The following DSCAM variants were observed in gnomAD, a reference collection of about 807,000 sequenced individuals.
DSCAM encodes the protein cell adhesion molecule DSCAM.
A neutral mutation model predicts 217.7 loss-of-function variants in DSCAM; 47 were observed. The observed-to-expected ratio is 0.22, with a 90% CI of 0.17 to 0.28. The LOEUF (loss-of-function observed/expected upper bound fraction) is 0.28, where lower values mean the gene tolerates loss of function less well. Ranked by LOEUF, DSCAM falls within the 10% of genes least tolerant of loss-of-function variation. The pLI is 1.00. For missense variants in DSCAM, 2,080 were observed against 2,618.3 expected, an observed-to-expected ratio of 0.79 and a Z score of 4.49; for synonymous variants, 1,056 against 1,015.3, an observed-to-expected ratio of 1.04 and a Z score of -0.76.
At chr21:40,472,079 T>C (rs942480027) in intron 3 of DSCAM, among the ~76,000 whole-genome samples, 1 of 152,194 alleles carries the variant, frequency 6.6e-6, no homozygotes, top group Non-Finnish European at 1.5e-5. Context: ...TATAGACCAA[T>C]GGCACAGAAA....
chr21:40,653,048 C>T (rs997076887), intron 3 of DSCAM, among the ~76,000 whole-genome samples: 4 of 152,206 alleles, frequency 2.6e-5, no homozygotes, highest in Admixed American at 1.3e-4. Flanking sequence ...TAAGCCCTGT[C>T]CCTATAGGTC....
intron 20 of DSCAM, among the ~76,000 whole-genome samples, chr21:40,111,352 G>T (rs1402857675): frequency 1.3e-5 from 2 of 151,822 alleles, no homozygotes; most frequent in Non-Finnish European, 2.9e-5. Flanking sequence ...ATACTTTACA[G>T]ACAAGCAAAT....
chr21:40,809,049 AT>A (rs2091814075), intron 1 of DSCAM, among the ~76,000 whole-genome samples: 1 of 152,098 alleles, frequency 6.6e-6, no homozygotes, highest in Admixed American at 6.5e-5. Flanking sequence ...GCCCCTCTTC[AT>A]TGGATTAGAC....
At chr21:40,844,045 A>C (rs2092124732) in intron 1 of DSCAM, among the ~76,000 whole-genome samples, 3 of 152,168 alleles carry the variant, frequency 2.0e-5, no homozygotes, top group African/African-American at 7.2e-5. Context: ...TAGGTATTAG[A>C]ATTCATCAAT....
At chr21:40,805,181 T>G (rs1006427388) in intron 1 of DSCAM, among the ~76,000 whole-genome samples, 1 of 152,248 alleles carries the variant, frequency 6.6e-6, no homozygotes, top group Non-Finnish European at 1.5e-5. Context: ...CACAGATGAC[T>G]GCCCAGTGAC....
At position 40,777,117 on chromosome 21, in the gene DSCAM, TG is replaced by T. The variant is rs200712835; in HGVS notation, c.44-68347del. Among the ~76,000 whole-genome samples, 1,176 of 152,302 alleles carry T rather than the reference TG, an allele frequency of 7.7e-3. 18 individuals are homozygous for T. The highest frequency in any genetic ancestry group is 0.027 in the African/African-American group (1,126 of 41,550). ...AAGATCAAGGCACTGGCAGGTTCAGTGTCTGGTGAGGGTTCATTGCTCATAG... is the reference window on the plus strand; with the variant it reads ...AAGATCAAGGCACTGGCAGGTTCAGTTCTGGTGAGGGTTCATTGCTCATAG... On this transcript the variant is annotated intron_variant, in intron 1 of 32. Transcript: ENST00000400454.
chr21:40,578,861 A>G (rs1185292549), intron 3 of DSCAM, among the ~76,000 whole-genome samples: 1 of 152,230 alleles, frequency 6.6e-6, no homozygotes, highest in Non-Finnish European at 1.5e-5. Context: ...TATAGAGACC[A>G]TAGAGTACAG....
At position 40,275,520 on chromosome 21, in the gene DSCAM, T is replaced by C. The variant is rs372778328; in HGVS notation, c.2356+577A>G. On this transcript the variant is annotated intron_variant, in intron 11 of 32. Transcript: ENST00000400454. Reference sequence around the variant, plus strand: ...CCTTTCCTTGGTTGCCAGTTACCAATGTATGAGAATAATTTCATTATAACG... The same window carrying C: ...CCTTTCCTTGGTTGCCAGTTACCAACGTATGAGAATAATTTCATTATAACG... Among the ~76,000 whole-genome samples the C allele has an allele frequency of 1.1e-4, 16 of 152,338 alleles. No individual in the cohort carries two copies. The East Asian group carries it at 2.3e-3, about 22-fold the overall frequency.
At chr21:40,444,903 T>C (rs2075661807) in intron 3 of DSCAM, among the ~76,000 whole-genome samples, 1 of 152,366 alleles carries the variant, frequency 6.6e-6, no homozygotes, top group South Asian at 2.1e-4. Flanking sequence ...TCTTCCTTCC[T>C]GCTTCAAAGC....
intron 32 of DSCAM, among the ~76,000 whole-genome samples, chr21:40,033,580 C>T (rs13050960): frequency 0.04 from 5,881 of 147,694 alleles, 192 homozygotes; most frequent in African/African-American, 0.047. Flanking sequence ...AACTGCAAGG[C>T]GGCAGTGAGG....
intron 32 of DSCAM, among the ~76,000 whole-genome samples, chr21:40,020,259 G>A (rs1480865934): frequency 6.6e-6 from 1 of 152,136 alleles, no homozygotes; most frequent in African/African-American, 2.4e-5. Context: ...CGCCATGATT[G>A]TGAGGCTTCC....
rs2090333544 is a variant in DSCAM at position 40,144,642 on chromosome 21, G to A, written c.3108C>T (p.Asn1036=). Residue 1036 remains asparagine (N), a synonymous_variant, in exon 17 of 33, where the codon AAC becomes AAT. Transcript: ENST00000400454. The surrounding 1 kb of genome is among the most constrained non-coding windows in gnomAD (Gnocchi z 4.8). ...CCCCGCTGGTGTCGACACTGATAATGTTGAATTGGAAGTTACCCCCAGTGC... is the reference window on the plus strand; with the variant it reads ...CCCCGCTGGTGTCGACACTGATAATATTGAATTGGAAGTTACCCCCAGTGC... ...EYSTGGNFQF[N]IISVDTSGDS... The A allele has an allele frequency of 1.2e-6, 2 of 1,614,036 alleles. No homozygotes were observed. Among genetic ancestry groups the A allele is most frequent in the South Asian group, 2.2e-5 (2 of 91,076 alleles).
chr21:40,772,101 G>A (rs1162725097), intron 1 of DSCAM, among the ~76,000 whole-genome samples: 1 of 152,304 alleles, frequency 6.6e-6, no homozygotes, highest in East Asian at 1.9e-4. Flanking sequence ...GTGCTATTGT[G>A]TCAACACATA....
At chr21:40,194,909 T>A (rs1289122808) in intron 11 of DSCAM, among the ~76,000 whole-genome samples, 1 of 152,144 alleles carries the variant, frequency 6.6e-6, no homozygotes, top group Non-Finnish European at 1.5e-5. Context: ...GCTTTCTCCA[T>A]CCTCTCCCCC....
intron 3 of DSCAM, among the ~76,000 whole-genome samples, chr21:40,393,344 G>A (rs2075150844): frequency 6.6e-6 from 1 of 152,174 alleles, no homozygotes; most frequent in Non-Finnish European, 1.5e-5. Flanking sequence ...ACATGGATGA[G>A]TCTTCATTAA....
intron 1 of DSCAM, among the ~76,000 whole-genome samples, chr21:40,837,938 G>A (rs1050005355): frequency 6.6e-6 from 1 of 152,130 alleles, no homozygotes; most frequent in Non-Finnish European, 1.5e-5. Flanking sequence ...AAATAAACAT[G>A]GCAATTAAGC....
intron 2 of DSCAM, among the ~76,000 whole-genome samples, chr21:40,696,360 G>C (rs559989238): frequency 4.1e-4 from 62 of 152,276 alleles, no homozygotes; most frequent in African/African-American, 1.5e-3. Flanking sequence ...CCCCTGAGAG[G>C]CAGGGAAAGT....
chr21:40,315,317 T>A (rs901039530), intron 8 of DSCAM, among the ~76,000 whole-genome samples: 1 of 151,794 alleles, frequency 6.6e-6, no homozygotes, highest in Non-Finnish European at 1.5e-5. Flanking sequence ...GGCAGGAGAA[T>A]TGCTTGAACC....
At chr21:40,566,090 C>T (rs1568909497) in intron 3 of DSCAM, among the ~76,000 whole-genome samples, 1 of 152,148 alleles carries the variant, frequency 6.6e-6, no homozygotes, top group Non-Finnish European at 1.5e-5. Context: ...AAGATGTCAT[C>T]CTTTTTCCTC....
Sources: gnomAD v4.1 joint callset for allele counts (sites outside exome capture counted in the v4.1 genomes callset) on GRCh38, gnomAD v4.1.1 for gene constraint, Gnocchi (gnomAD v3.1) non-coding constraint, MANE v1.5 for transcripts, NCBI Gene and HGNC (gene_info 2026-07-23, HGNC 2026-07-21) for gene names.